PPP1R7: variants seen among roughly 807,000 people sequenced by gnomAD.
PPP1R7 encodes protein phosphatase 1 regulatory subunit 7.
PPP1R7 carries 18 observed loss-of-function variants against 45.2 expected under a neutral mutation model. That is an observed-to-expected ratio of 0.40 (90% CI 0.28 to 0.59). The LOEUF (loss-of-function observed/expected upper bound fraction) is 0.59, where lower values mean the gene tolerates loss of function less well. Ranked by LOEUF, PPP1R7 falls within the 20% of genes least tolerant of loss-of-function variation. The pLI is 0.46. For synonymous variants in PPP1R7, 181 were observed against 183.4 expected, an observed-to-expected ratio of 0.99 and a Z score of 0.11; for missense variants, 314 against 455.8, an observed-to-expected ratio of 0.69 and a Z score of 2.83.
intron 8 of PPP1R7, among the ~76,000 whole-genome samples, chr2:241,168,452 G>A (rs1395005727): frequency 1.3e-5 from 2 of 152,186 alleles, no homozygotes; most frequent in Non-Finnish European, 2.9e-5. Context: ...GCTGCCGTCC[G>A]TGCTAGAGAG....
chr2:241,164,721 A>G (rs546139103), intron 7 of PPP1R7, among the ~76,000 whole-genome samples: 4 of 152,292 alleles, frequency 2.6e-5, no homozygotes, highest in African/African-American at 9.6e-5. Context: ...CAACATAGTG[A>G]GAGCCCATCT....
chr2:241,159,794 G>T (rs1465832664), intron 5 of PPP1R7, among the ~76,000 whole-genome samples: 1 of 152,040 alleles, frequency 6.6e-6, no homozygotes, highest in African/African-American at 2.4e-5. Flanking sequence ...GCTTTGGGAG[G>T]CCAAATTGGG....
intron 9 of PPP1R7, among the ~76,000 whole-genome samples, chr2:241,181,433 G>A (rs1019799329): frequency 2.6e-5 from 4 of 151,926 alleles, no homozygotes; most frequent in African/African-American, 7.3e-5. Context: ...GAGTTCCAGC[G>A]CGAGCCCCGT....
chr2:241,183,366 T>C lies in PPP1R7; in HGVS notation c.*543T>C, dbSNP rs1323748839. On this transcript the variant is annotated 3_prime_UTR_variant, in exon 10 of 10. Transcript: ENST00000234038. ...TAAAAGCTGACTCAGCCCTGTGTGC[T>C]TGTGTTCCTTAGAGCTCTCCTTCAA... 8 of 469,588 alleles carry C rather than the reference T, an allele frequency of 1.7e-5. No homozygotes were observed. Among genetic ancestry groups the C allele is most frequent in the Non-Finnish European group, 2.6e-5 (6 of 226,714 alleles). The allele number at this position is 469,588 out of a possible 1,614,324, so 29.1% of individuals were successfully genotyped here. A position where few individuals can be genotyped will look rare whatever the true frequency, so the allele number is the denominator to read the frequency against.
Position 241,183,058 on chromosome 2 carries a change from CAGAG to C in PPP1R7, c.*239_*242del, listed in dbSNP as rs2068034328. On this transcript the variant is annotated 3_prime_UTR_variant, in exon 10 of 10. Transcript: ENST00000234038. ...TGATTGTTGACAGTTATTGTAGCCA[CAGAG>C]AGAACATAAGACACGTTGCGTTCAT... The C allele has an allele frequency of 3.5e-6, 2 of 569,248 alleles. No individual in the cohort carries two copies. Among genetic ancestry groups the C allele is most frequent in the African/African-American group, 1.9e-5 (1 of 53,286 alleles). The allele number at this position is 569,248 out of a possible 1,614,324, so 35.3% of individuals were successfully genotyped here.
chr2:241,167,064 A>T, intron 8 of PPP1R7: 1 of 1,611,968 alleles, frequency 6.2e-7, no homozygotes, highest in Non-Finnish European at 8.5e-7. Context: ...AGCCTCACGT[A>T]CTGAGGGGAA....
intron 4 of PPP1R7, 197 bp from the exon 5 acceptor site, chr2:241,159,016 C>T: frequency 3.2e-6 from 2 of 620,718 alleles, no homozygotes; most frequent in Non-Finnish European, 5.5e-6. Flanking sequence ...CGCCCTTCCT[C>T]AGGTGTGTTA....
rs545361404 is a variant in PPP1R7, at chr2:241,158,352, A to C, written c.238-132A>C. On this transcript the variant is annotated intron_variant, in intron 3 of 9. Transcript: ENST00000234038. ...GCCCCCGCAGCACACCTTGTCACTG[A>C]CATCTGTCTGCTGCAGACCCACCTG... 6.7e-5 allele frequency: 51 copies of C among 763,986 alleles called. No individual in the cohort carries two copies. In the African/African-American group the frequency reaches 7.4e-4, roughly 11 times the overall value. The allele number at this position is 763,986 out of a possible 1,614,324, so 47.3% of individuals were successfully genotyped here.
intron 2 of PPP1R7, among the ~76,000 whole-genome samples, chr2:241,156,944 G>C (rs141052069): frequency 6.6e-6 from 1 of 151,986 alleles, no homozygotes; most frequent in African/African-American, 2.4e-5. Flanking sequence ...GTGTGCATAC[G>C]TGCCTGTGTG....
chr2:241,174,841 A>AT (rs1156964315), intron 9 of PPP1R7, among the ~76,000 whole-genome samples: 4 of 151,408 alleles, frequency 2.6e-5, no homozygotes, highest in Admixed American at 2.0e-4. Flanking sequence ...CGCCTGGCTA[A>AT]TTTTTTTTGT....
chr2:241,160,693 C>G (rs2067568329), intron 6 of PPP1R7, among the ~76,000 whole-genome samples, 199 bp downstream of exon 6: 1 of 152,214 alleles, frequency 6.6e-6, no homozygotes, highest in African/African-American at 2.4e-5. Context: ...CCTGAGTGGT[C>G]TAGCCTTTCT....
chr2:241,157,041 TGAG>T (rs1223982352), intron 2 of PPP1R7, among the ~76,000 whole-genome samples: 2 of 152,018 alleles, frequency 1.3e-5, no homozygotes, highest in Non-Finnish European at 2.9e-5. Context: ...TGAAATGAAA[TGAG>T]GAAGTGCTTA....
chr2:241,172,185 A>G (rs1490690813), intron 9 of PPP1R7, among the ~76,000 whole-genome samples: 1 of 144,580 alleles, frequency 6.9e-6, no homozygotes, highest in African/African-American at 2.6e-5. Flanking sequence ...TTTTAACTCT[A>G]TTATTGGCTT....
intron 8 of PPP1R7, chr2:241,166,966 C>G: frequency 8.0e-7 from 1 of 1,252,064 alleles, no homozygotes; most frequent in South Asian, 1.2e-5. Context: ...TCCTCCTCCC[C>G]CATTCCTCCC....
chr2:241,172,216 A>G, intron 9 of PPP1R7, among the ~76,000 whole-genome samples: 1 of 149,366 alleles, frequency 6.7e-6, no homozygotes, highest in Admixed American at 6.7e-5. Context: ...CCTCTGTATT[A>G]GTGTTTTCTT....
intron 4 of PPP1R7, chr2:241,158,895 G>A (rs1399971679): frequency 7.2e-6 from 3 of 417,146 alleles, no homozygotes; most frequent in Non-Finnish European, 1.3e-5. Flanking sequence ...GCCCACCAAA[G>A]GTTCTTATGT....
chr2:241,159,933 C>CT (rs1318735833), intron 5 of PPP1R7, among the ~76,000 whole-genome samples: 1 of 152,170 alleles, frequency 6.6e-6, no homozygotes, highest in African/African-American at 2.4e-5. Flanking sequence ...GATTTCTGCC[C>CT]TTTGTCGCTC....
intron 5 of PPP1R7, 77 bp downstream of exon 5, chr2:241,159,420 C>A: frequency 6.4e-7 from 1 of 1,556,248 alleles, no homozygotes; most frequent in South Asian, 1.1e-5. Context: ...CCAGAGCCAA[C>A]CTCCTGCTGG....
intron 1 of PPP1R7, 70 bp downstream of exon 1, chr2:241,150,617 C>T (rs1314183820): frequency 1.2e-5 from 17 of 1,459,084 alleles, no homozygotes; most frequent in African/African-American, 3.0e-5. Flanking sequence ...GGAACTGCTC[C>T]GTGCCTGAGA....
Sources: gnomAD v4.1 joint callset for allele counts (sites outside exome capture counted in the v4.1 genomes callset) on GRCh38, gnomAD v4.1.1 for gene constraint, MANE v1.5 for transcripts, NCBI Gene and HGNC (gene_info 2026-07-23, HGNC 2026-07-21) for gene names.